KLF12: variants seen among roughly 807,000 people sequenced by gnomAD.
KLF12 encodes the protein Krueppel-like factor 12.
A neutral mutation model predicts 37.8 loss-of-function variants in KLF12; 9 were observed. The ratio of observed to expected loss-of-function variants is 0.24; its 90% CI spans 0.14 to 0.42. The LOEUF is 0.42. KLF12 is among the 10% of genes least tolerant of loss of function. KLF12 has a pLI of 1.00. For synonymous variants in KLF12, 208 were observed against 202.1 expected (o/e 1.03, Z -0.25); for missense variants, 411 against 516.0 (o/e 0.80, Z 1.97).
chr13:73,839,093 C>A (rs908645351), intron 4 of KLF12, among the ~76,000 whole-genome samples: 1 of 138,598 alleles, frequency 7.2e-6, no homozygotes, highest in Non-Finnish European at 1.6e-5. Flanking sequence ...ATGACATTAA[C>A]TTTTTTTTTT....
chr13:74,228,205 T>G, the KLF12 span, among the ~76,000 whole-genome samples: 1 of 152,142 alleles, frequency 6.6e-6, no homozygotes, highest in East Asian at 1.9e-4. Flanking sequence ...CTCTTCTACA[T>G]TTTGCTGTAG....
intron 5 of KLF12, among the ~76,000 whole-genome samples, chr13:73,803,739 T>C (rs1233344541): frequency 6.6e-6 from 1 of 151,484 alleles, no homozygotes; most frequent in Non-Finnish European, 1.5e-5. Flanking sequence ...GGACATGTTA[T>C]CTGTCCTCTG....
intron 2 of KLF12, among the ~76,000 whole-genome samples, chr13:73,965,704 A>G (rs956003976): frequency 1.3e-5 from 2 of 152,092 alleles, no homozygotes; most frequent in Admixed American, 6.6e-5. Flanking sequence ...TCCACCTTTC[A>G]TCTTTCCCTT....
intron 4 of KLF12, among the ~76,000 whole-genome samples, chr13:73,841,201 A>G (rs1008869878): frequency 1.3e-5 from 2 of 152,188 alleles, no homozygotes; most frequent in Non-Finnish European, 2.9e-5. Flanking sequence ...CACACTGCAT[A>G]TCGGAAGGAA....
At chr13:73,731,227 C>T (rs545124446) in intron 6 of KLF12, among the ~76,000 whole-genome samples, 1 of 152,040 alleles carries the variant, frequency 6.6e-6, no homozygotes. Flanking sequence ...CATGGATGGC[C>T]AGGATAACAT....
At chr13:73,894,546 T>C (rs1377504431) in intron 3 of KLF12, among the ~76,000 whole-genome samples, 1 of 152,240 alleles carries the variant, frequency 6.6e-6, no homozygotes, top group Non-Finnish European at 1.5e-5. Context: ...TTATTTACTT[T>C]AGCACGCCCA....
chr13:74,133,600 C>T (rs1390108347), intron 1 of KLF12, among the ~76,000 whole-genome samples: 1 of 150,384 alleles, frequency 6.6e-6, no homozygotes, highest in Admixed American at 6.6e-5. Flanking sequence ...CACAGACCAA[C>T]CAAAATGATT....
At chr13:74,211,154 T>C in the KLF12 span, among the ~76,000 whole-genome samples, 5 of 152,198 alleles carry the variant, frequency 3.3e-5, no homozygotes, top group Non-Finnish European at 7.3e-5. Flanking sequence ...ACTCAACTTA[T>C]AACCATGCCC....
intron 2 of KLF12, among the ~76,000 whole-genome samples, chr13:73,979,866 G>T (rs1034464979): frequency 6.6e-6 from 1 of 152,152 alleles, no homozygotes; most frequent in Admixed American, 6.5e-5. Flanking sequence ...ATAAAATAAG[G>T]TCATATGGGT....
chr13:74,262,875 C>T, the KLF12 span, among the ~76,000 whole-genome samples: 60 of 152,146 alleles, frequency 3.9e-4, no homozygotes, highest in African/African-American at 1.3e-3. Context: ...ATATATCTCA[C>T]AGAGTCCCTA....
intron 1 of KLF12, among the ~76,000 whole-genome samples, chr13:74,036,152 T>A (rs1893239969): frequency 6.6e-6 from 1 of 152,162 alleles, no homozygotes; most frequent in African/African-American, 2.4e-5. Flanking sequence ...CTCTAAGTCT[T>A]CACAGATTTT....
At chr13:74,287,897 C>A in the KLF12 span, among the ~76,000 whole-genome samples, 1 of 152,172 alleles carries the variant, frequency 6.6e-6, no homozygotes, top group Non-Finnish European at 1.5e-5. Context: ...TCCAGCACTG[C>A]GTAAGTGGTT....
intron 3 of KLF12, among the ~76,000 whole-genome samples, chr13:73,858,495 A>C (rs532997244): frequency 6.6e-6 from 1 of 152,310 alleles, no homozygotes; most frequent in East Asian, 1.9e-4. Flanking sequence ...CGGGTGATTT[A>C]CTGGGCGAAG....
the KLF12 span, among the ~76,000 whole-genome samples, chr13:74,171,474 A>G: frequency 1.6e-3 from 243 of 152,260 alleles, 1 homozygote; most frequent in African/African-American, 5.3e-3. Context: ...CTCATTCTAA[A>G]TAGGAGGGAA....
At chr13:73,986,109 G>C (rs1014253273) in intron 2 of KLF12, among the ~76,000 whole-genome samples, 3 of 152,088 alleles carry the variant, frequency 2.0e-5, no homozygotes, top group African/African-American at 7.2e-5. Flanking sequence ...TATCAGATAC[G>C]CTACAAATAA....
chr13:73,945,329 C>T (rs1269382285), intron 2 of KLF12, among the ~76,000 whole-genome samples: 4 of 152,040 alleles, frequency 2.6e-5, no homozygotes, highest in African/African-American at 7.3e-5. Context: ...ATTAGCTGGG[C>T]GTGGTGGCAG....
chr13:73,941,053 T>C lies in KLF12; in HGVS notation c.123+2928A>G, dbSNP rs547022403. On this transcript the variant is annotated intron_variant, in intron 3 of 7. Transcript: ENST00000377669. ...TTAAAATGCTGTGTGCAGCCTGAGA[T>C]AAATACCAACTTTTCTTCACCAAAA... Among the ~76,000 whole-genome samples the C allele has an allele frequency of 2.0e-5, 3 of 152,374 alleles. No homozygotes were observed. The South Asian group carries it at 6.2e-4, about 32-fold the overall frequency.
At chr13:73,739,124 C>G (rs1006938851) in intron 6 of KLF12, among the ~76,000 whole-genome samples, 3 of 151,928 alleles carry the variant, frequency 2.0e-5, no homozygotes, top group Non-Finnish European at 2.9e-5. Flanking sequence ...AATCCCACTA[C>G]TCGGGAGGCT....
At chr13:73,758,308 T>C (rs1207153930) in intron 6 of KLF12, among the ~76,000 whole-genome samples, 2 of 152,190 alleles carry the variant, frequency 1.3e-5, no homozygotes, top group Non-Finnish European at 2.9e-5. Flanking sequence ...TTTAAGCAGC[T>C]TTGCTAGAGT....
Sources: gnomAD v4.1 joint callset for allele counts (sites outside exome capture counted in the v4.1 genomes callset) on GRCh38, gnomAD v4.1.1 for gene constraint, MANE v1.5 for transcripts, NCBI Gene and HGNC (gene_info 2026-07-23, HGNC 2026-07-21) for gene names.